Variants in SLC1A5 observed in about 807,000 individuals in gnomAD.
SLC1A5 encodes solute carrier family 1 member 5.
In SLC1A5, 25 loss-of-function variants were observed where a neutral mutation model predicts 34.9. The ratio of observed to expected loss-of-function variants is 0.72; its 90% CI spans 0.52 to 1.00. The LOEUF is 1.00. SLC1A5 is among the 50% of genes least tolerant of loss of function. The probability of loss-of-function intolerance (pLI) is 0.00; values close to 1 mark genes in which losing one functional copy is unlikely to be tolerated. For missense variants in SLC1A5, 637 were observed against 740.0 expected (o/e 0.86, Z 1.61); for synonymous variants, 351 against 341.2 (o/e 1.03, Z -0.32).
intron 7 of SLC1A5, chr19:46,776,749 T>G (rs2055093197): frequency 1.2e-5 from 6 of 486,744 alleles, no homozygotes; most frequent in South Asian, 2.9e-5. Context: ...GGCTGAAGAG[T>G]CTGCTGTATT....
At chr19:46,778,599 G>A (rs867962133) in intron 5 of SLC1A5, 76 bp downstream of exon 5, 11 of 1,057,114 alleles carry the variant, frequency 1.0e-5, no homozygotes, top group Admixed American at 4.1e-5. Flanking sequence ...ACAATGTCCC[G>A]GGCAGAGAAA....
chr19:46,779,937 C>T (rs2055132005), intron 4 of SLC1A5, among the ~76,000 whole-genome samples: 1 of 151,594 alleles, frequency 6.6e-6, no homozygotes, highest in Non-Finnish European at 1.5e-5. Context: ...ACTGCACCCT[C>T]CGCCTCCCAG....
chr19:46,787,783 G>A lies in SLC1A5; in HGVS notation c.183C>T (p.Ala61=). ...ANLLVLLTVV[A]VVAGVALGLG... is the part of the protein sequence containing the mutation. ...GTCCCAGCGCCACGCCGGCCACCAC[G>A]GCCACCACTGTCAGCAGCACAAGCA... Residue 61 remains alanine, a synonymous_variant, in exon 1 of 8, where the codon GCC becomes GCT. Transcript: ENST00000542575. The surrounding 1 kb of genome is among the most constrained non-coding windows in gnomAD (Gnocchi z 5.2). 1 of 1,550,108 alleles carries A rather than the reference G, an allele frequency of 6.5e-7. No homozygotes were observed. Among genetic ancestry groups the A allele is most frequent in the Non-Finnish European group, 8.7e-7 (1 of 1,149,590 alleles).
chr19:46,782,373 CA>C lies in SLC1A5; in HGVS notation c.824+9del. 1.9e-6 allele frequency: 3 copies of C among 1,602,348 alleles called. No individual in the cohort carries two copies. Among genetic ancestry groups the C allele is most frequent in the South Asian group, 1.1e-5 (1 of 90,554 alleles). On this transcript the variant is annotated intron_variant, in intron 4 of 7. Transcript: ENST00000542575. ...CCCACCCACCCCCAGCCTCCTCTCC[CA>C]CCACCTACCACATGATCCAGGAGAC...
intron 3 of SLC1A5, among the ~76,000 whole-genome samples, chr19:46,783,462 G>A (rs2055162842): frequency 1.9e-5 from 2 of 105,864 alleles, no homozygotes; most frequent in African/African-American, 3.4e-5. Flanking sequence ...ACAAAATTCT[G>A]TCTCAAAAAA....
intron 7 of SLC1A5, 55 bp from the exon 8 acceptor site, chr19:46,775,802 A>C: frequency 6.4e-7 from 1 of 1,566,576 alleles, no homozygotes; most frequent in Non-Finnish European, 8.7e-7. Flanking sequence ...GTGAGAGGGA[A>C]GGAAAGGGCC....
At chr19:46,778,629 G>A (rs768846244) in intron 5 of SLC1A5, 46 bp downstream of exon 5, 7 of 1,355,778 alleles carry the variant, frequency 5.2e-6, no homozygotes, top group South Asian at 2.5e-5. Flanking sequence ...GCTCCATGCC[G>A]CTTAGCGGAT....
chr19:46,777,274 G>A lies in SLC1A5; in HGVS notation c.1190C>T (p.Ala397Val). 1 of 1,613,276 alleles carries A rather than the reference G, an allele frequency of 6.2e-7. No homozygotes were observed. The highest frequency in any genetic ancestry group is 2.2e-5 in the East Asian group (1 of 44,864). Residue 397 changes from alanine to valine, a missense_variant, in exon 6 of 8, where the codon GCC (alanine) becomes GTC (valine). Physicochemically the swap from Ala to Val is moderately conservative, Grantham distance 64 (BLOSUM62 0). Coordinates refer to ENST00000542575, the MANE Select transcript of SLC1A5 (RefSeq NM_005628.3). Reference sequence around the variant, plus strand: ...GCTGAGCTGTGCAATGAACACTGCGGCCACGCACTGGAAGAGCGCGGCACC... The same window carrying A: ...GCTGAGCTGTGCAATGAACACTGCGACCACGCACTGGAAGAGCGCGGCACC... ...MDGAALFQCVAAVFIAQLSQQ... is the reference protein window; with the variant it reads ...MDGAALFQCVVAVFIAQLSQQ...
chr19:46,782,346 A>AACCCACCCCC, intron 4 of SLC1A5, 37 bp downstream of exon 4: 11 of 567,966 alleles, frequency 1.9e-5, no homozygotes, highest in South Asian at 3.6e-5. Context: ...CGACCCTCCA[A>AACCCACCCCC]CCCCACCCAC....
chr19:46,784,046 T>G (rs776541975), intron 3 of SLC1A5, 51 bp downstream of exon 3: 1 of 1,481,130 alleles, frequency 6.8e-7, no homozygotes, highest in Non-Finnish European at 9.4e-7. Flanking sequence ...ACCAAAAAAT[T>G]ATAGCAATAG....
Position 46,787,182 on chromosome 19 carries a change from A to C in SLC1A5, c.566+218T>G, listed in dbSNP as rs1221271636. ...CTTTCTTCTCCCTCTATAAGACCCC[A>C]CTTATGTACCCAGGCCCCCAGATTT... is the stretch of plus-strand genomic sequence containing the variant. On this transcript the variant is annotated intron_variant, in intron 1 of 7. Transcript: ENST00000542575. This position sits in a 1 kb window ranked among gnomAD's most constrained non-coding sequence, Gnocchi z 5.2. 7.4e-7 allele frequency: 1 copy of C among 1,347,508 alleles called. No individual in the cohort carries two copies. Among genetic ancestry groups the C allele is most frequent in the Non-Finnish European group, 9.7e-7 (1 of 1,035,956 alleles). The allele number at this position is 1,347,508 out of a possible 1,614,324, so 83.5% of individuals were successfully genotyped here.
At chr19:46,783,985 G>T in intron 3 of SLC1A5, 112 bp downstream of exon 3, 1 of 790,538 alleles carries the variant, frequency 1.3e-6, no homozygotes, top group African/African-American at 1.7e-5. Context: ...ATTGGGGAAG[G>T]ACTGCAGAGT....
In SLC1A5 at chr19:46,775,052, AACACACACACACACACACACACAC is replaced by A; in HGVS notation, c.*434_*457del. 1.0e-6 allele frequency: 1 copy of A among 976,830 alleles called. No homozygotes were observed. Among genetic ancestry groups the A allele is most frequent in the Middle Eastern group, 5.2e-4 (1 of 1,918 alleles). 60.5% of individuals were successfully genotyped at this position (976,830 alleles called of 1,614,324 possible). Reference sequence around the variant, plus strand: ...GTACCATGGGGACAGGAGGTCACAGAACACACACACACACACACACACACACACACACACACACGTGCACACACA... The same window carrying A: ...GTACCATGGGGACAGGAGGTCACAGAACACACACACACACGTGCACACACA... On this transcript the variant is annotated 3_prime_UTR_variant, in exon 8 of 8. Transcript: ENST00000542575.
In SLC1A5 at chr19:46,777,512, A is replaced by G. The variant is rs1415109976; in HGVS notation, c.1059-107T>C. The stretch of plus-strand genomic sequence containing the variant: ...CTCGCCTACCCCACCCCAACCAGCC[A>G]AAGCCCCACCCACCCCACCCAGTGG... On this transcript the variant is annotated intron_variant, in intron 5 of 7. Transcript: ENST00000542575. 4.8e-6 allele frequency: 5 copies of G among 1,037,468 alleles called. No individual in the cohort carries two copies. In the East Asian group the frequency reaches 1.4e-4, roughly 29 times the overall value. 64.3% of individuals were successfully genotyped at this position (1,037,468 alleles called of 1,614,324 possible). A position where few individuals can be genotyped will look rare whatever the true frequency, so the allele number is the denominator to read the frequency against.
chr19:46,787,538 G>A lies in SLC1A5; in HGVS notation c.428C>T (p.Ser143Leu). ...LFFLVTTLLA[S>L]ALGVGLALAL... ...CAGCGCCAAGCCCACTCCGAGCGCCGACGCCAGCAGCGTGGTGACCAGGAA... is the reference window on the plus strand; with the variant it reads ...CAGCGCCAAGCCCACTCCGAGCGCCAACGCCAGCAGCGTGGTGACCAGGAA... Residue 143 changes from serine to leucine, a missense_variant, in exon 1 of 8, where the codon TCG becomes TTG. Transcript: ENST00000542575. This position sits in a 1 kb window ranked among gnomAD's most constrained non-coding sequence, Gnocchi z 5.2. 1 of 1,573,252 alleles carries A rather than the reference G, an allele frequency of 6.4e-7. No individual in the cohort carries two copies. The highest frequency in any genetic ancestry group is 8.6e-7 in the Non-Finnish European group (1 of 1,160,544).
intron 2 of SLC1A5, 99 bp downstream of exon 2, chr19:46,784,418 T>G: frequency 7.3e-7 from 1 of 1,363,888 alleles, no homozygotes; most frequent in Non-Finnish European, 1.0e-6. Flanking sequence ...TGACATGCAT[T>G]TTTCCAGGAA....
chr19:46,778,775 C>T lies in SLC1A5; in HGVS notation c.958G>A (p.Val320Ile), dbSNP rs753517962. The T allele has an allele frequency of 1.4e-5, 23 of 1,613,726 alleles. No individual in the cohort carries two copies. The highest frequency in any genetic ancestry group is 4.0e-5 in the African/African-American group (3 of 74,916). ...AAGAGGAAGTAGATGAGGGGCAGTA[C>T]CAGGAGCCCATGGATGGCGTGACCC... The part of the protein sequence containing the change: ...LLGHAIHGLL[V>I]LPLIYFLFTR... Residue 320 changes from valine (V) to isoleucine (I), a missense_variant, in exon 5 of 8, where the codon GTA (valine) becomes ATA (isoleucine). Coordinates refer to ENST00000542575, the MANE Select transcript of SLC1A5 (RefSeq NM_005628.3).
intron 7 of SLC1A5, among the ~76,000 whole-genome samples, chr19:46,776,235 C>CT (rs1484742423): frequency 1.3e-4 from 17 of 134,270 alleles, no homozygotes; most frequent in Non-Finnish European, 2.3e-4. Context: ...GGATCTCACT[C>CT]TGTTGCCCAG....
intron 4 of SLC1A5, among the ~76,000 whole-genome samples, chr19:46,780,390 G>T (rs2055136501): frequency 6.6e-6 from 1 of 151,808 alleles, no homozygotes; most frequent in Non-Finnish European, 1.5e-5. Context: ...GTCTCGTTCT[G>T]TTGCCCAGGC....
Sources: allele counts gnomAD v4.1 joint callset (sites outside exome capture counted in the v4.1 genomes callset), GRCh38; gene constraint gnomAD v4.1.1; non-coding constraint Gnocchi (gnomAD v3.1); transcripts MANE v1.5; gene names NCBI Gene and HGNC (gene_info 2026-07-23, HGNC 2026-07-21).